The following MTA3 variants were observed in gnomAD, a reference collection of about 807,000 sequenced individuals.
MTA3 encodes metastasis-associated protein MTA3.
A neutral mutation model predicts 83.5 loss-of-function variants in MTA3; 34 were observed. The observed-to-expected ratio is 0.41, with a 90% CI of 0.31 to 0.54. The LOEUF is 0.54. Among genes scored for constraint, MTA3 ranks in the 20% least tolerant of loss-of-function variants. The pLI is 0.33. For missense variants in MTA3, 761 were observed against 726.4 expected, an observed-to-expected ratio of 1.05 and a Z score of -0.55; for synonymous variants, 303 against 252.7, an observed-to-expected ratio of 1.20 and a Z score of -1.89.
chr2:42,586,268 C>A (rs1459517261), intron 3 of MTA3, among the ~76,000 whole-genome samples: 1 of 148,762 alleles, frequency 6.7e-6, no homozygotes, highest in Non-Finnish European at 1.5e-5. Context: ...GAGTGAAACT[C>A]CATCTCAAAA....
At chr2:42,729,457 A>T (rs1380245585) in intron 16 of MTA3, among the ~76,000 whole-genome samples, 1 of 152,118 alleles carries the variant, frequency 6.6e-6, no homozygotes, top group African/African-American at 2.4e-5. Flanking sequence ...ATTTTTGTAT[A>T]TGGCAAGAAA....
chr2:42,612,244 CTGCTTTGT>C (rs1401689098), intron 4 of MTA3, among the ~76,000 whole-genome samples: 1 of 152,166 alleles, frequency 6.6e-6, no homozygotes, highest in South Asian at 2.1e-4. Flanking sequence ...GTGCGGGATC[CTGCTTTGT>C]TGCCTAGGCT....
chr2:42,510,632 C>T (rs985399287), intron 2 of MTA3, among the ~76,000 whole-genome samples: 10 of 152,150 alleles, frequency 6.6e-5, no homozygotes, highest in African/African-American at 2.2e-4. Flanking sequence ...AGTATCTTGG[C>T]TTAGAAACTA....
Position 42,756,405 on chromosome 2 carries a change from C to A in MTA3, c.*3006C>A. The A allele has an allele frequency of 1.1e-6, 1 of 950,500 alleles. No homozygotes were observed. The highest frequency in any genetic ancestry group is 1.3e-6 in the Non-Finnish European group (1 of 798,136). 58.9% of individuals were successfully genotyped at this position (950,500 alleles called of 1,614,324 possible). ...AAGCAGCTGCCCTGGGAGCCTGGGA[C>A]AGGCGACCCACCGGGTCAGTCCCCT... On this transcript the variant is annotated 3_prime_UTR_variant, in exon 17 of 17. Transcript: ENST00000405094.
chr2:42,744,305 T>TGGGACCATTCCTGG (rs1360258746), intron 16 of MTA3, among the ~76,000 whole-genome samples: 4 of 152,176 alleles, frequency 2.6e-5, no homozygotes, highest in African/African-American at 9.6e-5. Context: ...TAGCCACCCC[T>TGGGACCATTCCTGG]GGGACCATTC....
At chr2:42,525,724 C>T (rs1201936910) in intron 2 of MTA3, among the ~76,000 whole-genome samples, 3 of 151,736 alleles carry the variant, frequency 2.0e-5, no homozygotes, top group Non-Finnish European at 4.4e-5. Flanking sequence ...GTGGCACAAT[C>T]TCGGCTCACT....
In MTA3 at chr2:42,526,348, T is replaced by C. The variant is rs1675708088; in HGVS notation, c.-141+31094T>C. Among the ~76,000 whole-genome samples the C allele has an allele frequency of 2.0e-5, 3 of 152,278 alleles. No homozygotes were observed. In the South Asian group the frequency reaches 6.2e-4, roughly 32 times the overall value. ...CTGGGTAACTGGGATTACAGGCGCA[T>C]GCCACCGAGGCCGATTGGCCTTCTG... On this transcript the variant is annotated intron_variant, in intron 2 of 17. Transcript: ENST00000405592.
chr2:42,704,220 C>G lies in MTA3; in HGVS notation c.1052C>G (p.Ser351Cys), dbSNP rs1558600896. 1 of 1,613,904 alleles carries G rather than the reference C, an allele frequency of 6.2e-7. No homozygotes were observed. Among genetic ancestry groups the G allele is most frequent in the Non-Finnish European group, 8.5e-7 (1 of 1,179,828 alleles). Residue 351 changes from serine to cysteine, a missense_variant, in exon 12 of 17, where the codon TCC (serine) becomes TGC (cysteine). Coordinates refer to ENST00000405094, the MANE Select transcript of MTA3 (RefSeq NM_001330442.2). ...TYSKPNPNQI[S>C]TSNGKPGAVN... ...AGCAAACCAAATCCCAACCAAATAT[C>G]CACTAGTAATGGGAAGCCTGGTGCT...
At chr2:42,576,603 A>G (rs1187121048) in intron 2 of MTA3, among the ~76,000 whole-genome samples, 1 of 151,426 alleles carries the variant, frequency 6.6e-6, no homozygotes, top group Non-Finnish European at 1.5e-5. Flanking sequence ...CCCATCTCTG[A>G]AAAAAACCAA....
At chr2:42,741,828 G>T (rs1288445410) in intron 16 of MTA3, among the ~76,000 whole-genome samples, 1 of 152,038 alleles carries the variant, frequency 6.6e-6, no homozygotes, top group Non-Finnish European at 1.5e-5. Flanking sequence ...ATATAATAAA[G>T]AAAAAGCTTG....
At chr2:42,688,851 T>C (rs1692630092) in intron 9 of MTA3, among the ~76,000 whole-genome samples, 1 of 152,184 alleles carries the variant, frequency 6.6e-6, no homozygotes, top group African/African-American at 2.4e-5. Flanking sequence ...CTGGCTAGTA[T>C]TTCCAATACA....
intron 16 of MTA3, among the ~76,000 whole-genome samples, chr2:42,751,325 A>G (rs1669857266): frequency 6.6e-6 from 1 of 152,264 alleles, no homozygotes; most frequent in Non-Finnish European, 1.5e-5. Context: ...AGGTTAATAC[A>G]TTTGAGAATA....
chr2:42,579,027 G>C, intron 2 of MTA3, 80 bp from the exon 3 acceptor site: 1 of 882,900 alleles, frequency 1.1e-6, no homozygotes, highest in Non-Finnish European at 1.7e-6. Flanking sequence ...TCATATAATT[G>C]TGCTGTATCT....
At chr2:42,583,353 A>C (rs546224419) in intron 3 of MTA3, among the ~76,000 whole-genome samples, 1 of 152,308 alleles carries the variant, frequency 6.6e-6, no homozygotes, top group South Asian at 2.1e-4. Context: ...ATTGACTAAA[A>C]CATCAGGTGC....
At chr2:42,674,521 T>C (rs1263184229) in intron 8 of MTA3, among the ~76,000 whole-genome samples, 1 of 152,164 alleles carries the variant, frequency 6.6e-6, no homozygotes, top group African/African-American at 2.4e-5. Flanking sequence ...TGTGTATTGG[T>C]ATCTCTATTG....
Position 42,647,155 on chromosome 2 carries a change from T to TAAAAAAAAAAAACAA in MTA3, c.499+2916_499+2930dup, listed in dbSNP as rs762680843. Among the ~76,000 whole-genome samples the TAAAAAAAAAAAACAA allele has an allele frequency of 7.4e-3, 681 of 91,922 alleles. 5 individuals are homozygous for TAAAAAAAAAAAACAA. Among genetic ancestry groups the TAAAAAAAAAAAACAA allele is most frequent in the East Asian group, 0.041 (140 of 3,396 alleles). The allele number at this position is 91,922 out of a possible 152,430, so 60.3% of individuals were successfully genotyped here. The stretch of plus-strand genomic sequence containing the variant: ...CTGGGTGACAGAGTGAGACTCTGTC[T>TAAAAAAAAAAAACAA]AAAAAAAAAAAACAAAAAAGAAAGG... On this transcript the variant is annotated intron_variant, in intron 6 of 16. Coordinates refer to ENST00000405094, the MANE Select transcript of MTA3 (RefSeq NM_001330442.2).
At chr2:42,497,233 A>G (rs1674176766) in intron 2 of MTA3, among the ~76,000 whole-genome samples, 1 of 151,328 alleles carries the variant, frequency 6.6e-6, no homozygotes. Flanking sequence ...AAAAAAAACA[A>G]AACAAACAAA....
At chr2:42,635,632 A>G (rs951289299) in intron 4 of MTA3, among the ~76,000 whole-genome samples, 1 of 152,154 alleles carries the variant, frequency 6.6e-6, no homozygotes, top group African/African-American at 2.4e-5. Flanking sequence ...TCTATCTCAA[A>G]AAAAAAAGAA....
intron 11 of MTA3, among the ~76,000 whole-genome samples, chr2:42,700,394 A>G (rs1693757894): frequency 6.6e-6 from 1 of 152,216 alleles, no homozygotes; most frequent in African/African-American, 2.4e-5. Context: ...TGCAGAACAT[A>G]TTTTATGTGA....
Sources: allele counts gnomAD v4.1 joint callset (sites outside exome capture counted in the v4.1 genomes callset), GRCh38; gene constraint gnomAD v4.1.1; transcripts MANE v1.5; gene names NCBI Gene and HGNC (gene_info 2026-07-23, HGNC 2026-07-21).